The following CD200R1L variants were observed in gnomAD, a reference collection of about 807,000 sequenced individuals.
CD200R1L encodes CD200 receptor 1 like, also known as cell surface glycoprotein CD200 receptor 2.
CD200R1L carries 14 observed loss-of-function variants against 24.8 expected under a neutral mutation model. That is an observed-to-expected ratio of 0.56 (90% confidence interval 0.37 to 0.88). The LOEUF is 0.88. Ranked by LOEUF, CD200R1L falls within the 40% of genes least tolerant of loss-of-function variation. The pLI, the probability that CD200R1L is intolerant of heterozygous loss-of-function variation, is 0.00. For missense variants in CD200R1L, 299 were observed against 297.8 expected (o/e 1.00, Z -0.03); for synonymous variants, 111 against 109.2 (o/e 1.02, Z -0.11).
chr3:112,826,218 A>G (rs1159977269), intron 6 of CD200R1L, among the ~76,000 whole-genome samples: 1 of 152,126 alleles, frequency 6.6e-6, no homozygotes, highest in Admixed American at 6.5e-5. Context: ...ATAATAACCA[A>G]CATTTATTAA....
intron 4 of CD200R1L, 135 bp from the exon 5 acceptor site, chr3:112,827,819 T>G: frequency 4.9e-6 from 4 of 815,848 alleles, no homozygotes; most frequent in Non-Finnish European, 7.5e-6. Context: ...AATATTAGAC[T>G]TAGGTAAGAA....
At chr3:112,829,645 A>G (rs1938749276) in intron 3 of CD200R1L, 3 of 676,820 alleles carry the variant, frequency 4.4e-6, no homozygotes, top group African/African-American at 2.0e-5. Flanking sequence ...ACTAGTTTGT[A>G]TGAGGTAACC....
At chr3:112,842,566 C>T (rs2087283) in intron 2 of CD200R1L, among the ~76,000 whole-genome samples, 51,454 of 151,804 alleles carry the variant, frequency 0.34, 9,170 homozygotes, top group Non-Finnish European at 0.4. Context: ...TGACTGCCTG[C>T]GGGGTCGGGC....
At chr3:112,817,395 T>C (rs1455626692) in intron 7 of CD200R1L, among the ~76,000 whole-genome samples, 1 of 152,184 alleles carries the variant, frequency 6.6e-6, no homozygotes, top group Non-Finnish European at 1.5e-5. Flanking sequence ...TTCCAACCTC[T>C]GTGGATGTTA....
intron 7 of CD200R1L, 103 bp downstream of exon 7, chr3:112,819,669 A>G: frequency 7.8e-7 from 1 of 1,282,874 alleles, no homozygotes; most frequent in Non-Finnish European, 1.0e-6. Context: ...ACAACATACC[A>G]AAAAAGTGTC....
intron 2 of CD200R1L, among the ~76,000 whole-genome samples, chr3:112,843,187 G>A (rs1939121071): frequency 6.6e-6 from 1 of 152,142 alleles, no homozygotes; most frequent in Non-Finnish European, 1.5e-5. Flanking sequence ...TCACTAAAGA[G>A]GTCAACGTGC....
chr3:112,828,319 G>C (rs1004051419), intron 4 of CD200R1L, among the ~76,000 whole-genome samples: 2 of 152,052 alleles, frequency 1.3e-5, no homozygotes, highest in African/African-American at 4.8e-5. Context: ...GTTTTGTTTA[G>C]AGAATTACAG....
At chr3:112,821,056 CAA>C (rs552399170) in intron 6 of CD200R1L, among the ~76,000 whole-genome samples, 13 of 82,764 alleles carry the variant, frequency 1.6e-4, no homozygotes, top group Admixed American at 4.1e-4. Flanking sequence ...GACTCTGTCT[CAA>C]AAAAAAAAAA....
At chr3:112,821,004 C>A (rs13064268) in intron 6 of CD200R1L, among the ~76,000 whole-genome samples, 1 of 149,422 alleles carries the variant, frequency 6.7e-6, no homozygotes, top group Non-Finnish European at 1.5e-5. Flanking sequence ...TTGCAGTGAG[C>A]TGAGATTGCA....
At chr3:112,829,433 G>C (rs781272482) in intron 3 of CD200R1L, 49 bp from the exon 4 acceptor site, 1 of 1,527,988 alleles carries the variant, frequency 6.5e-7, no homozygotes, top group Non-Finnish European at 9.1e-7. Context: ...TATGTACTCA[G>C]AATGGAAACA....
chr3:112,846,524 T>A (rs1267961628), intron 1 of CD200R1L, 101 bp downstream of exon 1: 1 of 152,236 alleles, frequency 6.6e-6, no homozygotes, highest in Non-Finnish European at 1.5e-5. Flanking sequence ...TGTTGGGTTA[T>A]AAGATAGTCA....
Position 112,821,338 on chromosome 3 carries a change from C to G in CD200R1L, c.617-1443G>C, listed in dbSNP as rs190200610. Among the ~76,000 whole-genome samples the G allele has an allele frequency of 8.2e-4, 125 of 152,308 alleles. 1 individual carries two copies. Among genetic ancestry groups the G allele is most frequent in the Non-Finnish European group, 1.6e-3 (111 of 68,014 alleles). On this transcript the variant is annotated intron_variant, in intron 6 of 7. Transcript: ENST00000488794. ...AACTTATATGAAAGAAAAATAAAAG[C>G]TCAAGACCCCAATTCACTATGCCAA...
chr3:112,826,910 C>A, intron 6 of CD200R1L, 83 bp downstream of exon 6: 1 of 1,468,868 alleles, frequency 6.8e-7, no homozygotes, highest in South Asian at 1.4e-5. Flanking sequence ...AATTTTCTTA[C>A]CTGCTGTTTG....
chr3:112,829,222 C>T, intron 4 of CD200R1L, 97 bp downstream of exon 4: 1 of 903,344 alleles, frequency 1.1e-6, no homozygotes, highest in South Asian at 1.4e-5. Flanking sequence ...TTCAAGTAGT[C>T]ACAAGGCTGG....
chr3:112,843,514 A>G (rs1576100006), intron 2 of CD200R1L, among the ~76,000 whole-genome samples: 2 of 152,354 alleles, frequency 1.3e-5, no homozygotes, highest in Admixed American at 1.3e-4. Flanking sequence ...AGCAAACACT[A>G]AGAGAATTCA....
At chr3:112,836,585 A>G (rs1030955784) in intron 3 of CD200R1L, among the ~76,000 whole-genome samples, 1 of 152,202 alleles carries the variant, frequency 6.6e-6, no homozygotes, top group African/African-American at 2.4e-5. Flanking sequence ...CCTTGATCCT[A>G]ATTTCACTAG....
At chr3:112,841,451 C>A in intron 2 of CD200R1L, 2 of 273,322 alleles carry the variant, frequency 7.3e-6, no homozygotes, top group South Asian at 6.0e-5. Flanking sequence ...TACTTAATGC[C>A]CAAAGAATAG....
At chr3:112,822,565 G>A (rs537134274) in intron 6 of CD200R1L, among the ~76,000 whole-genome samples, 8 of 152,304 alleles carry the variant, frequency 5.3e-5, no homozygotes, top group African/African-American at 1.7e-4. Flanking sequence ...GAGGGGCTGG[G>A]AGGTTGGCAC....
In CD200R1L at chr3:112,827,138, A is replaced by G. The variant is rs369357384; in HGVS notation, c.471T>C (p.Ser157=). Reference sequence around the variant, plus strand: ...AGTATTCTTGCTTAGTGGCAAGAATAGATCCCTCTGGGATCCAGGAGATCT... The same window carrying G: ...AGTATTCTTGCTTAGTGGCAAGAATGGATCCCTCTGGGATCCAGGAGATCT... ...AAQISWIPEG[S]ILATKQEYWG... Residue 157 remains serine (S), a synonymous_variant, in exon 6 of 8, where the codon TCT becomes TCC. Transcript: ENST00000488794. 71 of 1,613,622 alleles carry G rather than the reference A, an allele frequency of 4.4e-5. 2 individuals are homozygous for G. The highest frequency in any genetic ancestry group is 3.8e-4 in the East Asian group (17 of 44,888).
Sources: gnomAD v4.1 joint callset for allele counts (sites outside exome capture counted in the v4.1 genomes callset) on GRCh38, gnomAD v4.1.1 for gene constraint, MANE v1.5 for transcripts, NCBI Gene and HGNC (gene_info 2026-07-23, HGNC 2026-07-21) for gene names.